PIK3C2A: variants seen among roughly 807,000 people sequenced by gnomAD.
PIK3C2A encodes phosphatidylinositol-4-phosphate 3-kinase catalytic subunit type 2 alpha.
In PIK3C2A, 97 loss-of-function variants were observed where a neutral mutation model predicts 204.5. That is an observed-to-expected ratio of 0.47 (90% CI 0.40 to 0.56). The LOEUF (loss-of-function observed/expected upper bound fraction) is 0.56, where lower values mean the gene tolerates loss of function less well. Ranked by LOEUF, PIK3C2A falls within the 20% of genes least tolerant of loss-of-function variation. The pLI, the probability that PIK3C2A is intolerant of heterozygous loss-of-function variation, is 0.00. For synonymous variants in PIK3C2A, 653 were observed against 664.4 expected, an observed-to-expected ratio of 0.98 and a Z score of 0.26; for missense variants, 1,735 against 1,969.2, an observed-to-expected ratio of 0.88 and a Z score of 2.25.
Position 17,147,646 on chromosome 11 carries a change from TTATTCAC to T in PIK3C2A, c.1449-25_1449-19del, listed in dbSNP as rs780093947. The T allele has an allele frequency of 8.0e-7, 1 of 1,253,254 alleles. No homozygotes were observed. The highest frequency in any genetic ancestry group is 2.4e-5 in the East Asian group (1 of 42,478). 77.6% of individuals were successfully genotyped at this position (1,253,254 alleles called of 1,614,324 possible). The stretch of plus-strand genomic sequence containing the variant: ...AATGATTACTGTTAAGATATATTAA[TTATTCAC>T]TATTCTATTCAAATTAGAAATTATA... On this transcript the variant is annotated intron_variant, in intron 5 of 32. Coordinates refer to ENST00000691414, the MANE Select transcript of PIK3C2A (RefSeq NM_002645.4).
At chr11:17,198,509 A>C (rs763849106) in intron 1 of PIK3C2A, among the ~76,000 whole-genome samples, 2 of 152,176 alleles carry the variant, frequency 1.3e-5, no homozygotes, top group Non-Finnish European at 2.9e-5. Context: ...GTTAAATAAA[A>C]TTATATAATA....
At chr11:17,207,668 G>A (rs1051283515) in intron 1 of PIK3C2A, among the ~76,000 whole-genome samples, 180 bp downstream of exon 1, 3 of 152,154 alleles carry the variant, frequency 2.0e-5, no homozygotes, top group Non-Finnish European at 2.9e-5. Flanking sequence ...AAGGCCCGGA[G>A]GGAGGGGGGA....
intron 13 of PIK3C2A, among the ~76,000 whole-genome samples, chr11:17,125,948 A>T (rs1590936558): frequency 6.6e-6 from 1 of 150,950 alleles, no homozygotes; most frequent in African/African-American, 2.4e-5. Flanking sequence ...ACATTGCAAA[A>T]CCCTGTCTCT....
intron 19 of PIK3C2A, 36 bp downstream of exon 19, chr11:17,117,455 A>G: frequency 6.8e-7 from 1 of 1,459,974 alleles, no homozygotes; most frequent in Non-Finnish European, 9.5e-7. Flanking sequence ...TTCCTTTAAC[A>G]TTAACACATT....
At chr11:17,106,521 A>T (rs909510534) in intron 22 of PIK3C2A, among the ~76,000 whole-genome samples, 1 of 152,248 alleles carries the variant, frequency 6.6e-6, no homozygotes, top group Non-Finnish European at 1.5e-5. Flanking sequence ...GAGACTCTCT[A>T]GTCTGTACAT....
chr11:17,205,835 A>C (rs970811051), intron 1 of PIK3C2A, among the ~76,000 whole-genome samples: 1 of 152,204 alleles, frequency 6.6e-6, no homozygotes, highest in Non-Finnish European at 1.5e-5. Flanking sequence ...AAAACAGAAA[A>C]AACTGCCAGG....
At chr11:17,204,370 C>T (rs991431900) in intron 1 of PIK3C2A, 2 of 152,140 alleles carry the variant, frequency 1.3e-5, no homozygotes, top group South Asian at 2.1e-4. Flanking sequence ...TATATGTAGT[C>T]GAATCCTGAA....
At chr11:17,181,648 ATAT>A in intron 1 of PIK3C2A, among the ~76,000 whole-genome samples, 1 of 107,816 alleles carries the variant, frequency 9.3e-6, no homozygotes, top group African/African-American at 5.4e-5. Flanking sequence ...ATATATATAT[ATAT>A]ATATATATAC....
At chr11:17,132,503 G>A (rs1205681642) in intron 11 of PIK3C2A, among the ~76,000 whole-genome samples, 4 of 149,942 alleles carry the variant, frequency 2.7e-5, no homozygotes, top group Non-Finnish European at 4.4e-5. Context: ...CTAATTTTTT[G>A]TATTTTTAGT....
At position 17,122,207 on chromosome 11, in the gene PIK3C2A, G is replaced by A. The variant is rs1479054492; in HGVS notation, c.2638C>T (p.His880Tyr). Residue 880 changes from histidine (H) to tyrosine (Y), a missense_variant, in exon 15 of 33, where the codon CAT becomes TAT. His to Tyr is a moderately conservative substitution (Grantham distance 83). This residue lies in a region of PIK3C2A where 567 missense variants were observed against 576.0 expected (regional missense o/e 0.98). Coordinates refer to ENST00000691414, the MANE Select transcript of PIK3C2A (RefSeq NM_002645.4). ...ACATACCCAAGTGATGAGTCTTTAT[G>A]AAGAATATCAAGAAGTTTCCCTTTT... ...DIKGKLLDILHKDSSLGLSKE... is the reference protein window; with the variant it reads ...DIKGKLLDILYKDSSLGLSKE... The A allele has an allele frequency of 6.3e-7, 1 of 1,582,978 alleles. No homozygotes were observed. The highest frequency in any genetic ancestry group is 8.7e-7 in the Non-Finnish European group (1 of 1,154,574).
In PIK3C2A at chr11:17,092,285, G is replaced by A; in HGVS notation, c.4452-9C>T. 4.8e-6 allele frequency: 6 copies of A among 1,260,296 alleles called. No homozygotes were observed. Among genetic ancestry groups the A allele is most frequent in the Admixed American group, 3.7e-5 (2 of 53,666 alleles). The allele number at this position is 1,260,296 out of a possible 1,614,324, so 78.1% of individuals were successfully genotyped here. A position where few individuals can be genotyped will look rare whatever the true frequency, so the allele number is the denominator to read the frequency against. ...CCATCCTATTAGGAAAGCTACAAAAGAAAAACAAAAACAAGTGGGATTTAA... is the reference window on the plus strand; with the variant it reads ...CCATCCTATTAGGAAAGCTACAAAAAAAAAACAAAAACAAGTGGGATTTAA... On this transcript the variant is annotated splice_polypyrimidine_tract_variant and intron_variant, in intron 28 of 32. Transcript: ENST00000691414.
At chr11:17,153,967 A>G (rs1417609051) in intron 3 of PIK3C2A, among the ~76,000 whole-genome samples, 1 of 152,220 alleles carries the variant, frequency 6.6e-6, no homozygotes, top group East Asian at 1.9e-4. Flanking sequence ...AAACACCAGT[A>G]CTTCTTACTG....
At chr11:17,105,587 C>G (rs1315960230) in intron 22 of PIK3C2A, among the ~76,000 whole-genome samples, 1 of 152,138 alleles carries the variant, frequency 6.6e-6, no homozygotes, top group Non-Finnish European at 1.5e-5. Context: ...TGATGTTCCC[C>G]TCCCTGTGTC....
chr11:17,114,604 T>C, intron 19 of PIK3C2A, 139 bp from the exon 20 acceptor site: 7 of 506,214 alleles, frequency 1.4e-5, no homozygotes, highest in Non-Finnish European at 3.6e-6. Flanking sequence ...AGAGAGTTAA[T>C]TTTTACTATA....
At chr11:17,134,778 G>A (rs750120883) in intron 11 of PIK3C2A, 41 bp downstream of exon 11, 2 of 1,454,462 alleles carry the variant, frequency 1.4e-6, no homozygotes, top group African/African-American at 2.8e-5. Context: ...TGGGATTACA[G>A]GTGCAAGCCA....
At chr11:17,186,551 T>C (rs1490848816) in intron 1 of PIK3C2A, among the ~76,000 whole-genome samples, 1 of 152,204 alleles carries the variant, frequency 6.6e-6, no homozygotes, top group Non-Finnish European at 1.5e-5. Context: ...AATAAAGAGA[T>C]ACAATAGATT....
chr11:17,143,900 G>C (rs1341143707), intron 8 of PIK3C2A, among the ~76,000 whole-genome samples: 3 of 151,968 alleles, frequency 2.0e-5, no homozygotes, highest in Non-Finnish European at 4.4e-5. Context: ...TCACATCACT[G>C]AATTCCAGCC....
Position 17,139,749 on chromosome 11 carries a change from C to T in PIK3C2A, c.1705-3124G>A, listed in dbSNP as rs543857973. Among the ~76,000 whole-genome samples the T allele has an allele frequency of 1.8e-4, 27 of 152,296 alleles. No homozygotes were observed. The South Asian group carries it at 5.0e-3, about 28-fold the overall frequency. On this transcript the variant is annotated intron_variant, in intron 8 of 32. Transcript: ENST00000691414. ...ACCCCCAAATGGTATCCTATTGAAA[C>T]CTTAACCACAATATCATATCTGGTT...
At chr11:17,090,383 C>T (rs1249885838) in intron 32 of PIK3C2A, among the ~76,000 whole-genome samples, 1 of 152,226 alleles carries the variant, frequency 6.6e-6, no homozygotes, top group Non-Finnish European at 1.5e-5. Flanking sequence ...AGGAGAATCA[C>T]TTGAACTCAG....
Sources: gnomAD v4.1 joint callset for allele counts (sites outside exome capture counted in the v4.1 genomes callset) on GRCh38, gnomAD v4.1.1 for gene constraint, gnomAD v4.1.1 regional missense constraint, MANE v1.5 for transcripts, NCBI Gene and HGNC (gene_info 2026-07-23, HGNC 2026-07-21) for gene names.